Variants in CNBD1 observed in about 807,000 individuals in gnomAD.
CNBD1 encodes the protein cyclic nucleotide binding domain containing 1.
CNBD1 carries 71 observed loss-of-function variants against 54.4 expected under a neutral mutation model. The ratio of observed to expected loss-of-function variants is 1.30; its 90% CI spans 1.08 to 1.59. CNBD1 has a LOEUF of 1.59. Among genes scored for constraint, CNBD1 ranks in the 40% most tolerant of loss-of-function variants. The pLI, the probability that CNBD1 is intolerant of heterozygous loss-of-function variation, is 0.00. For synonymous variants in CNBD1, 182 were observed against 170.7 expected, an observed-to-expected ratio of 1.07 and a Z score of -0.51; for missense variants, 659 against 518.0, an observed-to-expected ratio of 1.27 and a Z score of -2.64.
intron 4 of CNBD1, among the ~76,000 whole-genome samples, chr8:87,076,179 GA>G (rs532125792): frequency 2.0e-5 from 3 of 152,154 alleles, no homozygotes; most frequent in Non-Finnish European, 4.4e-5. Context: ...AACTACAGAG[GA>G]GGTTGAGTGA....
At chr8:87,046,928 G>C (rs567715914) in intron 4 of CNBD1, among the ~76,000 whole-genome samples, 2 of 152,252 alleles carry the variant, frequency 1.3e-5, no homozygotes, top group African/African-American at 4.8e-5. Context: ...GGCATATTTG[G>C]AAAGGACCGT....
At chr8:87,392,123 A>G (rs907331375) in intron 2 of CNBD1, among the ~76,000 whole-genome samples, 6 of 152,080 alleles carry the variant, frequency 3.9e-5, no homozygotes, top group Admixed American at 2.6e-4. Flanking sequence ...CATACCTACT[A>G]TTTTGAAAAA....
chr8:87,243,462 G>A (rs1807743615), intron 6 of CNBD1, among the ~76,000 whole-genome samples: 1 of 152,084 alleles, frequency 6.6e-6, no homozygotes, highest in South Asian at 2.1e-4. Context: ...CTGATAATGG[G>A]TGCTGCCTGA....
intron 4 of CNBD1, among the ~76,000 whole-genome samples, chr8:87,148,384 A>G (rs1383627237): frequency 6.6e-6 from 1 of 152,212 alleles, no homozygotes; most frequent in Non-Finnish European, 1.5e-5. Flanking sequence ...ACAAAATTAT[A>G]CTTTTAAATT....
chr8:86,878,080 C>CTGTGTGTGTGTGTGTGTG (rs145093111), intron 1 of CNBD1, among the ~76,000 whole-genome samples: 52 of 135,930 alleles, frequency 3.8e-4, no homozygotes, highest in African/African-American at 1.3e-3. Context: ...TTCATCAAAG[C>CTGTGTGTGTGTGTGTGTG]TGTGTGTGTG....
chr8:87,065,152 TGAA>T (rs1810622772), intron 4 of CNBD1, among the ~76,000 whole-genome samples: 1 of 152,020 alleles, frequency 6.6e-6, no homozygotes, highest in Non-Finnish European at 1.5e-5. Flanking sequence ...TCTAGTTCTT[TGAA>T]GAAGCTCTAA....
intron 6 of CNBD1, among the ~76,000 whole-genome samples, chr8:87,249,559 T>G (rs1586363105): frequency 6.6e-6 from 1 of 152,084 alleles, no homozygotes; most frequent in Non-Finnish European, 1.5e-5. Flanking sequence ...AGGTTATAGG[T>G]CTATCTTTCA....
chr8:87,048,943 T>C lies in CNBD1; in HGVS notation c.431+109189T>C, dbSNP rs566546659. Among the ~76,000 whole-genome samples, 3 of 152,320 alleles carry C rather than the reference T, an allele frequency of 2.0e-5. No homozygotes were observed. In the South Asian group the frequency reaches 6.2e-4, roughly 32 times the overall value. On this transcript the variant is annotated intron_variant, in intron 4 of 10. Coordinates refer to ENST00000518476, the MANE Select transcript of CNBD1 (RefSeq NM_173538.3). Reference sequence around the variant, plus strand: ...TCTTATCCCCACCTAGGTGAAAGGTTTGGTGAAGGAGTTTAAGAACTTTTC... The same window carrying C: ...TCTTATCCCCACCTAGGTGAAAGGTCTGGTGAAGGAGTTTAAGAACTTTTC...
intron 2 of CNBD1, among the ~76,000 whole-genome samples, chr8:87,404,494 T>C (rs1200330023): frequency 6.6e-6 from 1 of 152,088 alleles, no homozygotes; most frequent in Admixed American, 6.6e-5. Flanking sequence ...ATTTATGGTG[T>C]CGAAATCATT....
intron 3 of CNBD1, among the ~76,000 whole-genome samples, chr8:86,931,273 C>T (rs1323185690): frequency 6.6e-6 from 1 of 152,096 alleles, no homozygotes; most frequent in South Asian, 2.1e-4. Context: ...AATTTCCTGG[C>T]CCTCAGTGGT....
intron 6 of CNBD1, among the ~76,000 whole-genome samples, chr8:87,275,585 A>G (rs1808460903): frequency 6.6e-6 from 1 of 151,740 alleles, no homozygotes; most frequent in African/African-American, 2.4e-5. Flanking sequence ...AAATAATAAG[A>G]GCTATCTGTG....
At chr8:87,265,469 G>A (rs1051108860) in intron 6 of CNBD1, among the ~76,000 whole-genome samples, 3 of 152,074 alleles carry the variant, frequency 2.0e-5, no homozygotes, top group Non-Finnish European at 4.4e-5. Flanking sequence ...GCTTAGGATT[G>A]ACTTGGCAAT....
rs1159026297 is a variant in CNBD1 at position 87,286,565 on chromosome 8, A to G, written c.936A>G (p.Gln312=). The G allele has an allele frequency of 3.4e-6, 5 of 1,458,240 alleles. No individual in the cohort carries two copies. The Admixed American group carries it at 8.0e-5, about 23-fold the overall frequency. 90.3% of individuals were successfully genotyped at this position (1,458,240 alleles called of 1,614,324 possible). A position where few individuals can be genotyped will look rare whatever the true frequency, so the allele number is the denominator to read the frequency against. Residue 312 remains glutamine, a synonymous_variant, in exon 8 of 11, where the codon CAA becomes CAG. Transcript: ENST00000518476. ...AAAAAATAAAACTTGAAAATATGCAAAAGTTGAAATTAATCCGTATGTGTC... is the reference window on the plus strand; with the variant it reads ...AAAAAATAAAACTTGAAAATATGCAGAAGTTGAAATTAATCCGTATGTGTC... ...KEEKIKLENM[Q]KLKLIRMCPY... is the part of the protein sequence containing the mutation.
chr8:87,118,540 A>G (rs939042980), intron 4 of CNBD1, among the ~76,000 whole-genome samples: 1 of 152,152 alleles, frequency 6.6e-6, no homozygotes, highest in Non-Finnish European at 1.5e-5. Context: ...CAAAGGCAAG[A>G]GCAGGTTTAG....
chr8:87,419,864 A>C (rs1807898723), intron 2 of CNBD1, among the ~76,000 whole-genome samples: 1 of 151,430 alleles, frequency 6.6e-6, no homozygotes, highest in Admixed American at 6.6e-5. Context: ...AGAATTATTT[A>C]ATTCGCCCAT....
intron 2 of CNBD1, among the ~76,000 whole-genome samples, chr8:87,414,216 T>A (rs1807799656): frequency 6.6e-6 from 1 of 152,112 alleles, no homozygotes; most frequent in Admixed American, 6.6e-5. Context: ...GTTCATGTCC[T>A]TTGTAGGGAC....
chr8:87,414,153 A>G (rs909227766), intron 2 of CNBD1, among the ~76,000 whole-genome samples: 6 of 152,004 alleles, frequency 3.9e-5, no homozygotes, highest in Non-Finnish European at 8.8e-5. Context: ...CTGGATTAAG[A>G]AAATGTGGCA....
intron 6 of CNBD1, among the ~76,000 whole-genome samples, chr8:87,247,726 G>A (rs777566870): frequency 1.3e-5 from 2 of 152,186 alleles, no homozygotes; most frequent in African/African-American, 4.8e-5. Context: ...AAGAGAAGAC[G>A]TGTTTGCTCT....
chr8:87,355,258 A>G (rs948856989), intron 10 of CNBD1, among the ~76,000 whole-genome samples: 3 of 152,128 alleles, frequency 2.0e-5, no homozygotes, highest in Non-Finnish European at 4.4e-5. Context: ...TTTTGAAATT[A>G]CTAAAATCTC....
Sources: gnomAD v4.1 joint callset for allele counts (sites outside exome capture counted in the v4.1 genomes callset) on GRCh38, gnomAD v4.1.1 for gene constraint, MANE v1.5 for transcripts, NCBI Gene and HGNC (gene_info 2026-07-23, HGNC 2026-07-21) for gene names.